The following ZDHHC7 variants were observed in gnomAD, a reference collection of about 807,000 sequenced individuals.
The protein encoded by ZDHHC7 is zDHHC palmitoyltransferase 7.
Under a neutral mutation model 34.1 loss-of-function variants are expected in ZDHHC7, and 12 were observed. That is an observed-to-expected ratio of 0.35 (90% CI 0.23 to 0.57). The LOEUF (loss-of-function observed/expected upper bound fraction) is 0.57, where lower values mean the gene tolerates loss of function less well. Among genes scored for constraint, ZDHHC7 ranks in the 20% least tolerant of loss-of-function variants. The pLI is 0.84. For synonymous variants in ZDHHC7, 185 were observed against 155.4 expected (o/e 1.19, Z -1.42); for missense variants, 388 against 402.7 (o/e 0.96, Z 0.31).
the ZDHHC7 span, among the ~76,000 whole-genome samples, chr16:85,016,729 G>C: frequency 6.6e-6 from 1 of 151,842 alleles, no homozygotes; most frequent in Non-Finnish European, 1.5e-5. Context: ...CAAAGTGCTG[G>C]GATTACAGGC....
At chr16:85,006,661 G>A (rs2072720882) in intron 1 of ZDHHC7, among the ~76,000 whole-genome samples, 1 of 152,132 alleles carries the variant, frequency 6.6e-6, no homozygotes, top group Non-Finnish European at 1.5e-5. Flanking sequence ...GATCGCTTCA[G>A]CCCAGGAGGT....
chr16:84,982,518 TC>T (rs1245299732), intron 3 of ZDHHC7, among the ~76,000 whole-genome samples: 1 of 152,134 alleles, frequency 6.6e-6, no homozygotes, highest in African/African-American at 2.4e-5. Flanking sequence ...GCACACCACT[TC>T]CCTGTAGCCC....
At chr16:85,006,140 G>C (rs931362223) in intron 1 of ZDHHC7, among the ~76,000 whole-genome samples, 1 of 152,112 alleles carries the variant, frequency 6.6e-6, no homozygotes, top group African/African-American at 2.4e-5. Context: ...AAGGCAGGAG[G>C]AACACTTGAG....
intron 2 of ZDHHC7, among the ~76,000 whole-genome samples, chr16:84,994,996 C>G (rs1287640741): frequency 1.3e-5 from 2 of 152,120 alleles, no homozygotes; most frequent in Non-Finnish European, 2.9e-5. Context: ...TACATGGAAG[C>G]TAATCTAAAA....
At chr16:84,991,431 G>A (rs1244175195) in intron 2 of ZDHHC7, among the ~76,000 whole-genome samples, 7 of 150,562 alleles carry the variant, frequency 4.6e-5, no homozygotes, top group Non-Finnish European at 8.9e-5. Context: ...GATTACAGGC[G>A]CCCACCACCA....
intron 1 of ZDHHC7, among the ~76,000 whole-genome samples, chr16:85,002,870 G>A (rs771138506): frequency 2.0e-5 from 3 of 151,750 alleles, no homozygotes; most frequent in African/African-American, 4.8e-5. Context: ...GGGCTGCGGC[G>A]CTGGGAGGGC....
chr16:85,020,245 A>T, the ZDHHC7 span, among the ~76,000 whole-genome samples: 1 of 152,210 alleles, frequency 6.6e-6, no homozygotes, highest in Admixed American at 6.5e-5. Flanking sequence ...AGGCTACAAT[A>T]ACCCAGTCCT....
At chr16:84,980,948 T>C (rs2072359831) in intron 4 of ZDHHC7, among the ~76,000 whole-genome samples, 1 of 152,156 alleles carries the variant, frequency 6.6e-6, no homozygotes, top group African/African-American at 2.4e-5. Flanking sequence ...ACTCCAGCCA[T>C]AAAGCAGTCA....
chr16:85,007,934 G>A lies in ZDHHC7; in HGVS notation c.-104+3352C>T, dbSNP rs1045127076. On this transcript the variant is annotated intron_variant, in intron 1 of 7. Transcript: ENST00000313732. ...GCCCAGGGGTTTCAGACCAGCCTGG[G>A]TATCATAGTGAGACCCTATCTCTAC... Among the ~76,000 whole-genome samples the A allele has an allele frequency of 2.6e-5, 4 of 152,010 alleles. 1 individual carries two copies. Among genetic ancestry groups the A allele is most frequent in the African/African-American group, 7.3e-5 (3 of 41,310 alleles).
At chr16:85,022,437 C>A in the ZDHHC7 span, among the ~76,000 whole-genome samples, 1 of 151,832 alleles carries the variant, frequency 6.6e-6, no homozygotes, top group African/African-American at 2.4e-5. Context: ...GCAGGAGAAT[C>A]ACTTGAACGT....
intron 2 of ZDHHC7, among the ~76,000 whole-genome samples, chr16:84,994,935 C>G (rs542670758): frequency 1.6e-4 from 25 of 152,318 alleles, no homozygotes; most frequent in African/African-American, 5.8e-4. Context: ...TGTATTTACA[C>G]TTGAGTAATG....
Position 84,974,478 on chromosome 16 carries a change from ATTACT to A in ZDHHC7, c.*1860_*1864del, listed in dbSNP as rs751118205. On this transcript the variant is annotated 3_prime_UTR_variant, in exon 8 of 8. Coordinates refer to ENST00000313732, the MANE Select transcript of ZDHHC7 (RefSeq NM_017740.3). ...GAAGCCATTTGAGAACTGTTAATTGATTACTTTATTTCATATAAAAGTTACATTGA... is the reference window on the plus strand; with the variant it reads ...GAAGCCATTTGAGAACTGTTAATTGATTATTTCATATAAAAGTTACATTGA... 2 of 152,320 alleles carry A rather than the reference ATTACT, an allele frequency of 1.3e-5. No homozygotes were observed. The highest frequency in any genetic ancestry group is 6.5e-5 in the Admixed American group (1 of 15,282). 9.4% of individuals were successfully genotyped at this position (152,320 alleles called of 1,614,324 possible). A position where few individuals can be genotyped will look rare whatever the true frequency, so the allele number is the denominator to read the frequency against.
At chr16:85,002,043 C>T (rs887144850) in intron 1 of ZDHHC7, among the ~76,000 whole-genome samples, 4 of 151,946 alleles carry the variant, frequency 2.6e-5, no homozygotes, top group African/African-American at 9.7e-5. Flanking sequence ...GATATAGGAA[C>T]CAAGTAAAAG....
the ZDHHC7 span, among the ~76,000 whole-genome samples, chr16:85,018,756 T>G: frequency 9.9e-5 from 15 of 152,002 alleles, no homozygotes; most frequent in African/African-American, 3.6e-4. Flanking sequence ...AGCTGGTGTC[T>G]TCTCTATTTC....
chr16:85,026,112 T>A, the ZDHHC7 span, among the ~76,000 whole-genome samples: 211 of 152,368 alleles, frequency 1.4e-3, no homozygotes, highest in African/African-American at 4.9e-3. Flanking sequence ...AAACAGAATC[T>A]GACTCTAAAT....
chr16:84,977,258 C>G, intron 6 of ZDHHC7, 33 bp from the exon 7 acceptor site: 1 of 1,608,612 alleles, frequency 6.2e-7, no homozygotes, highest in Middle Eastern at 1.7e-4. Flanking sequence ...TATAACTGGT[C>G]CTGAATACCC....
At chr16:84,981,667 TC>T (rs2072369895) in intron 4 of ZDHHC7, among the ~76,000 whole-genome samples, 2 of 152,124 alleles carry the variant, frequency 1.3e-5, no homozygotes, top group Admixed American at 1.3e-4. Context: ...GTTTCCCAGC[TC>T]CCAAAAAGAC....
Position 84,979,296 on chromosome 16 carries a change from G to C in ZDHHC7, c.441-11C>G. The C allele has an allele frequency of 1.2e-6, 2 of 1,607,656 alleles. No individual in the cohort carries two copies. Among genetic ancestry groups the C allele is most frequent in the South Asian group, 2.3e-5 (2 of 88,850 alleles). On this transcript the variant is annotated splice_polypyrimidine_tract_variant and intron_variant, in intron 4 of 7. Transcript: ENST00000313732. ...CATCTTTTGCAAATACTGAAAAGGAGAGTTTGATTTTTCAGTATTCCATGC... is the reference window on the plus strand; with the variant it reads ...CATCTTTTGCAAATACTGAAAAGGACAGTTTGATTTTTCAGTATTCCATGC...
chr16:85,018,489 C>G, the ZDHHC7 span, among the ~76,000 whole-genome samples: 1 of 151,028 alleles, frequency 6.6e-6, no homozygotes, highest in Non-Finnish European at 1.5e-5. Flanking sequence ...CTCTTGTTGC[C>G]CAGGCTAGAG....
Sources: gnomAD v4.1 joint callset for allele counts (sites outside exome capture counted in the v4.1 genomes callset) on GRCh38, gnomAD v4.1.1 for gene constraint, MANE v1.5 for transcripts, NCBI Gene and HGNC (gene_info 2026-07-23, HGNC 2026-07-21) for gene names.